The following VWA8 variants were observed in gnomAD, a reference collection of about 807,000 sequenced individuals.
VWA8 encodes von Willebrand factor A domain-containing protein 8.
A neutral mutation model predicts 241.5 loss-of-function variants in VWA8; 221 were observed. The observed-to-expected ratio is 0.91, with a 90% confidence interval of 0.82 to 1.02. The LOEUF (loss-of-function observed/expected upper bound fraction) is 1.02. Among genes scored for constraint, VWA8 ranks in the 50% least tolerant of loss-of-function variants. The probability of loss-of-function intolerance (pLI) is 0.00; values close to 1 mark genes in which losing one functional copy is unlikely to be tolerated. For missense variants in VWA8, 2,322 were observed against 2,328.7 expected (o/e 1.00, Z 0.06); for synonymous variants, 852 against 827.1 (o/e 1.03, Z -0.52).
chr13:41,703,419 G>A lies in VWA8; in HGVS notation c.3117-8C>T. On this transcript the variant is annotated splice_polypyrimidine_tract_variant and splice_region_variant and intron_variant, in intron 26 of 44. Transcript: ENST00000379310. The stretch of plus-strand genomic sequence containing the variant: ...TGTTCTGGCAGAGTCAACCTGTTAA[G>A]GATGATTTGCAAAGTAAATATTTCT... 6.2e-7 allele frequency: 1 copy of A among 1,612,718 alleles called. No individual in the cohort carries two copies. Among genetic ancestry groups the A allele is most frequent in the Non-Finnish European group, 8.5e-7 (1 of 1,179,038 alleles).
chr13:41,903,257 T>C (rs911695450), intron 4 of VWA8, among the ~76,000 whole-genome samples: 1 of 152,090 alleles, frequency 6.6e-6, no homozygotes, highest in Non-Finnish European at 1.5e-5. Flanking sequence ...CATGAATAAA[T>C]TAAGGCCAGA....
intron 4 of VWA8, among the ~76,000 whole-genome samples, chr13:41,897,658 C>A (rs1354799346): frequency 6.6e-6 from 1 of 152,020 alleles, no homozygotes; most frequent in East Asian, 1.9e-4. Context: ...CTTAAGGCTG[C>A]GCGTCTGGAG....
Position 41,691,442 on chromosome 13 carries a change from G to A in VWA8, c.3744C>T (p.Asn1248=), listed in dbSNP as rs1458039078. 2 of 1,611,724 alleles carry A rather than the reference G, an allele frequency of 1.2e-6. No homozygotes were observed. Among genetic ancestry groups the A allele is most frequent in the African/African-American group, 2.7e-5 (2 of 74,800 alleles). ...CTAGAACATCCAGCACAGTCAGGCTGTTCCTGGAAAAGAAGAAAACTGTAT... is the reference window on the plus strand; with the variant it reads ...CTAGAACATCCAGCACAGTCAGGCTATTCCTGGAAAAGAAGAAAACTGTAT... ...NWLVFYKEKG[N]SLTVLDVLEG... is the part of the protein sequence containing the mutation. Residue 1248 remains asparagine, a synonymous_variant, in exon 32 of 45, where the codon AAC becomes AAT. Coordinates refer to ENST00000379310, the MANE Select transcript of VWA8 (RefSeq NM_015058.2).
intron 18 of VWA8, 33 bp from the exon 19 acceptor site, chr13:41,783,934 A>C (rs1869018945): frequency 2.6e-6 from 4 of 1,560,690 alleles, no homozygotes; most frequent in Non-Finnish European, 3.5e-6. Context: ...ATAATTATTC[A>C]TAGCACTGTC....
chr13:41,743,508 T>C, intron 21 of VWA8, among the ~76,000 whole-genome samples: 1 of 152,216 alleles, frequency 6.6e-6, no homozygotes. Flanking sequence ...AGATCAAATC[T>C]GCATTGGGTC....
At chr13:41,656,212 G>A (rs1254328961) in intron 37 of VWA8, among the ~76,000 whole-genome samples, 1 of 152,194 alleles carries the variant, frequency 6.6e-6, no homozygotes, top group Non-Finnish European at 1.5e-5. Flanking sequence ...TTGAGGGAAT[G>A]ATGACTTACA....
At chr13:41,604,616 T>C (rs1024247862) in intron 40 of VWA8, among the ~76,000 whole-genome samples, 1 of 152,092 alleles carries the variant, frequency 6.6e-6, no homozygotes, top group African/African-American at 2.4e-5. Flanking sequence ...AAATACTTCA[T>C]GGAAAAGAAA....
intron 4 of VWA8, among the ~76,000 whole-genome samples, chr13:41,893,779 G>A (rs1212121339): frequency 6.6e-6 from 1 of 152,134 alleles, no homozygotes; most frequent in Non-Finnish European, 1.5e-5. Flanking sequence ...AGCTACGTGG[G>A]AGGCTGAGGC....
intron 21 of VWA8, among the ~76,000 whole-genome samples, chr13:41,753,744 G>A: frequency 6.6e-6 from 1 of 151,996 alleles, no homozygotes; most frequent in East Asian, 1.9e-4. Flanking sequence ...TGTTTTGAAT[G>A]GCCCTTATAA....
chr13:41,717,050 G>A (rs977847108), intron 26 of VWA8, among the ~76,000 whole-genome samples: 1 of 151,894 alleles, frequency 6.6e-6, no homozygotes, highest in Non-Finnish European at 1.5e-5. Context: ...TTGCAGATGA[G>A]ATAAACATTA....
intron 16 of VWA8, among the ~76,000 whole-genome samples, chr13:41,814,329 T>G (rs1024955827): frequency 6.6e-6 from 1 of 152,110 alleles, no homozygotes; most frequent in Non-Finnish European, 1.5e-5. Flanking sequence ...GAAAGCAGAT[T>G]GGAGATATTA....
At chr13:41,657,244 A>G (rs1044495821) in intron 37 of VWA8, among the ~76,000 whole-genome samples, 1 of 151,974 alleles carries the variant, frequency 6.6e-6, no homozygotes, top group African/African-American at 2.4e-5. Flanking sequence ...CCCCCGAGAA[A>G]AGCAGAGCCA....
chr13:41,674,960 C>G (rs940675459), intron 36 of VWA8, among the ~76,000 whole-genome samples: 1 of 151,958 alleles, frequency 6.6e-6, no homozygotes, highest in African/African-American at 2.4e-5. Context: ...TAGAACAGAT[C>G]AAACAAAAGA....
At chr13:41,593,870 T>C (rs1487966696) in intron 40 of VWA8, among the ~76,000 whole-genome samples, 2 of 152,194 alleles carry the variant, frequency 1.3e-5, no homozygotes, top group Non-Finnish European at 2.9e-5. Flanking sequence ...GAACTTGGAT[T>C]CTTGGGCCGG....
intron 34 of VWA8, among the ~76,000 whole-genome samples, chr13:41,686,317 C>T (rs1010513487): frequency 1.3e-5 from 2 of 152,072 alleles, no homozygotes; most frequent in African/African-American, 4.8e-5. Flanking sequence ...TAGCTCTCTG[C>T]GTCCTTATCA....
intron 37 of VWA8, among the ~76,000 whole-genome samples, chr13:41,641,623 C>T (rs34922471): frequency 0.032 from 4,793 of 152,016 alleles, 80 homozygotes; most frequent in South Asian, 0.063. Flanking sequence ...TGCTGAGGTG[C>T]TCATTATTAG....
chr13:41,882,217 A>T (rs1257224860), intron 9 of VWA8, among the ~76,000 whole-genome samples: 3 of 150,950 alleles, frequency 2.0e-5, no homozygotes, highest in Non-Finnish European at 4.4e-5. Context: ...GCGGCCGGGC[A>T]GAGACGCTCC....
intron 12 of VWA8, among the ~76,000 whole-genome samples, chr13:41,851,152 T>C (rs1872517387): frequency 6.6e-6 from 1 of 152,172 alleles, no homozygotes; most frequent in Admixed American, 6.5e-5. Flanking sequence ...TTTGTACCCT[T>C]TGACTAACAC....
chr13:41,916,286 C>A (rs1345031583), intron 2 of VWA8, among the ~76,000 whole-genome samples: 1 of 152,138 alleles, frequency 6.6e-6, no homozygotes, highest in Non-Finnish European at 1.5e-5. Flanking sequence ...GTCCATAAAC[C>A]AAGATTTATA....
Sources: allele counts gnomAD v4.1 joint callset (sites outside exome capture counted in the v4.1 genomes callset), GRCh38; gene constraint gnomAD v4.1.1; transcripts MANE v1.5; gene names NCBI Gene and HGNC (gene_info 2026-07-23, HGNC 2026-07-21).